Variants in SLFN5 observed in about 807,000 individuals in gnomAD.
The protein encoded by SLFN5 is schlafen family member 5.
In SLFN5, 34 loss-of-function variants were observed where a neutral mutation model predicts 48.5. The observed-to-expected ratio is 0.70, with a 90% CI of 0.53 to 0.93. The LOEUF (loss-of-function observed/expected upper bound fraction) is 0.93. Among genes scored for constraint, SLFN5 ranks in the 40% least tolerant of loss-of-function variants. The pLI is 0.00. For synonymous variants in SLFN5, 387 were observed against 396.2 expected, an observed-to-expected ratio of 0.98 and a Z score of 0.28; for missense variants, 1,006 against 1,071.3, an observed-to-expected ratio of 0.94 and a Z score of 0.85.
rs771619608 is a variant in SLFN5 at position 35,265,434 on chromosome 17, C to T, written c.2222C>T (p.Ser741Phe). The T allele has an allele frequency of 2.5e-6, 4 of 1,614,072 alleles. No individual in the cohort carries two copies. The South Asian group carries it at 3.3e-5, about 13-fold the overall frequency. Reference protein sequence around the residue: ...QNPPPNLPPGSLVMLYEPKWA... With the variant: ...QNPPPNLPPGFLVMLYEPKWA... ...CCTCCACCTAACCTCCCCCCTGGGTCCCTGGTGATGCTCTATGAACCTAAA... is the reference window on the plus strand; with the variant it reads ...CCTCCACCTAACCTCCCCCCTGGGTTCCTGGTGATGCTCTATGAACCTAAA... The change falls in exon 5 of 5, where the codon TCC (serine) becomes TTC (phenylalanine). Residue 741 changes from serine to phenylalanine, a missense_variant. Ser to Phe is a radical substitution (Grantham distance 155, BLOSUM62 -2). Transcript: ENST00000299977.
chr17:35,253,447 C>T lies in SLFN5; in HGVS notation c.-40-5204C>T, dbSNP rs566540925. Among the ~76,000 whole-genome samples the T allele has an allele frequency of 3.3e-5, 5 of 152,240 alleles. No individual in the cohort carries two copies. In the South Asian group the frequency reaches 1.0e-3, roughly 32 times the overall value. ...AGTGCAGTGGTATGATCTTGGCTCA[C>T]TGCAGCCTCAATCCACTGGGCTCAG... On this transcript the variant is annotated intron_variant, in intron 1 of 4. Coordinates refer to ENST00000299977, the MANE Select transcript of SLFN5 (RefSeq NM_144975.4).
Position 35,272,690 on chromosome 17 carries a change from T to C in SLFN5, c.*6802T>C, listed in dbSNP as rs1430109499. The stretch of plus-strand genomic sequence containing the variant: ...TTCTACAAATCGAAGAGAAAAATTC[T>C]AAGGTCTCAAAGGAAAAATGAGCAA... On this transcript the variant is annotated 3_prime_UTR_variant, in exon 5 of 5. Transcript: ENST00000299977. The C allele has an allele frequency of 6.6e-6, 1 of 152,208 alleles. No individual in the cohort carries two copies. Among genetic ancestry groups the C allele is most frequent in the African/African-American group, 2.4e-5 (1 of 41,454 alleles). 9.4% of individuals were successfully genotyped at this position (152,208 alleles called of 1,614,324 possible).
At position 35,264,715 on chromosome 17, in the gene SLFN5, A is replaced by G; in HGVS notation, c.1671A>G (p.Thr557=). Residue 557 remains threonine, a synonymous_variant, in exon 4 of 5, where the codon ACA becomes ACG. Transcript: ENST00000299977. ...GCTCTGAGGTTTTGAACCTACTGAC[A>G]AATAAACAGTATGAGTTGCTTTCAA... ...ELGSEVLNLL[T]NKQYELLSKN... The G allele has an allele frequency of 6.2e-7, 1 of 1,607,472 alleles. No individual in the cohort carries two copies. The highest frequency in any genetic ancestry group is 1.1e-5 in the South Asian group (1 of 90,138).
chr17:35,259,178 A>T lies in SLFN5; in HGVS notation c.488A>T (p.Gln163Leu). ...CCACAGGCAGCTCAGGGTAGTGTAC[A>T]ATATGAAGGTAACATAAATGTGTCA... ...LGPQAAQGSV[Q>L]YEGNINVSAA... The change falls in exon 2 of 5, where the codon CAA becomes CTA. Residue 163 changes from glutamine to leucine, a missense_variant. Coordinates refer to ENST00000299977, the MANE Select transcript of SLFN5 (RefSeq NM_144975.4). The T allele has an allele frequency of 6.2e-7, 1 of 1,614,130 alleles. No individual in the cohort carries two copies. Among genetic ancestry groups the T allele is most frequent in the Non-Finnish European group, 8.5e-7 (1 of 1,180,038 alleles).
chr17:35,247,566 A>T (rs2092433612), intron 1 of SLFN5, among the ~76,000 whole-genome samples: 1 of 152,098 alleles, frequency 6.6e-6, no homozygotes, highest in Non-Finnish European at 1.5e-5. Context: ...CACTGACTGA[A>T]TGTCTCTTTT....
At chr17:35,264,996 C>T (rs1485609512) in intron 4 of SLFN5, 76 bp from the exon 5 acceptor site, 2 of 1,544,640 alleles carry the variant, frequency 1.3e-6, no homozygotes, top group South Asian at 1.3e-5. Context: ...TTGTATTTAC[C>T]ATGACCAGAG....
chr17:35,251,898 G>GA (rs1333062718), intron 1 of SLFN5, among the ~76,000 whole-genome samples: 1 of 151,846 alleles, frequency 6.6e-6, no homozygotes, highest in Non-Finnish European at 1.5e-5. Context: ...AATTTTAGTA[G>GA]AAACAGGGTT....
chr17:35,265,218 C>T lies in SLFN5; in HGVS notation c.2006C>T (p.Thr669Ile). The part of the protein sequence containing the change: ...GDWYGKAKFI[T>I]QTARDGPGVL... ...TGGTATGGGAAAGCAAAGTTCATCA[C>T]TCAGACAGCAAGGGATGGCCCAGGA... The change falls in exon 5 of 5, where the codon ACT (threonine) becomes ATT (isoleucine). Residue 669 changes from threonine to isoleucine, a missense_variant. Transcript: ENST00000299977. 6.2e-7 allele frequency: 1 copy of T among 1,614,190 alleles called. No homozygotes were observed. The highest frequency in any genetic ancestry group is 2.2e-5 in the East Asian group (1 of 44,890).
rs1904630081 is a variant in SLFN5 at position 35,264,894 on chromosome 17, A to T, written c.1850A>T (p.Lys617Met). Residue 617 changes from lysine (K) to methionine (M), a missense_variant, in exon 4 of 5, where the codon AAG (lysine) becomes ATG (methionine). Transcript: ENST00000299977. ...LYICENQPLK[K>M]LVSFSKKNIC... ...ATCTGTGAAAACCAGCCCCTGAAGA[A>T]GTTGGTGAGGTATGCTGCTTGTCTG... is the stretch of plus-strand genomic sequence containing the variant. 1 of 1,558,970 alleles carries T rather than the reference A, an allele frequency of 6.4e-7. No homozygotes were observed. The highest frequency in any genetic ancestry group is 8.6e-7 in the Non-Finnish European group (1 of 1,159,636).
chr17:35,259,385 A>T lies in SLFN5; in HGVS notation c.695A>T (p.His232Leu). The change falls in exon 2 of 5, where the codon CAT becomes CTT. Residue 232 changes from histidine (H) to leucine (L), a missense_variant. His to Leu is a moderately conservative substitution (Grantham distance 99). Transcript: ENST00000299977. ...GGAGGATATGTATTTTTTGGTGTGC[A>T]TGATGAGACTTGTCAAGTGATTGGA... ...TEGGYVFFGVHDETCQVIGCE... is the reference protein window; with the variant it reads ...TEGGYVFFGVLDETCQVIGCE... 6.2e-7 allele frequency: 1 copy of T among 1,614,224 alleles called. No individual in the cohort carries two copies. Among genetic ancestry groups the T allele is most frequent in the Non-Finnish European group, 8.5e-7 (1 of 1,180,036 alleles).
At position 35,268,244 on chromosome 17, in the gene SLFN5, T is replaced by C. The variant is rs1318262340; in HGVS notation, c.*2356T>C. On this transcript the variant is annotated 3_prime_UTR_variant, in exon 5 of 5. Transcript: ENST00000299977. ...CTAAGAAAGTTGTCAAAGAGAGCCCTTCTATACTATCTTAAGGTAAAAAGA... is the reference window on the plus strand; with the variant it reads ...CTAAGAAAGTTGTCAAAGAGAGCCCCTCTATACTATCTTAAGGTAAAAAGA... 2 of 152,218 alleles carry C rather than the reference T, an allele frequency of 1.3e-5. No homozygotes were observed. Among genetic ancestry groups the C allele is most frequent in the Non-Finnish European group, 2.9e-5 (2 of 68,056 alleles). The allele number at this position is 152,218 out of a possible 1,614,324, so 9.4% of individuals were successfully genotyped here.
chr17:35,265,950 T>C lies in SLFN5; in HGVS notation c.*62T>C. The C allele has an allele frequency of 1.4e-6, 2 of 1,479,370 alleles. No individual in the cohort carries two copies. The highest frequency in any genetic ancestry group is 1.8e-6 in the Non-Finnish European group (2 of 1,103,256). 91.6% of individuals were successfully genotyped at this position (1,479,370 alleles called of 1,614,324 possible). ...TCATCTCTAATTAACTGTGAAACCA[T>C]TTAATCCAAACATGTAAGCACACAC... On this transcript the variant is annotated 3_prime_UTR_variant, in exon 5 of 5. Coordinates refer to ENST00000299977, the MANE Select transcript of SLFN5 (RefSeq NM_144975.4).
intron 3 of SLFN5, among the ~76,000 whole-genome samples, chr17:35,263,217 G>A (rs1050315918): frequency 3.9e-5 from 6 of 151,992 alleles, no homozygotes; most frequent in South Asian, 2.1e-4. Context: ...TGCAACCTCC[G>A]CCTCCTGGGT....
intron 1 of SLFN5, among the ~76,000 whole-genome samples, chr17:35,251,393 G>A (rs1240150140): frequency 4.6e-5 from 7 of 151,984 alleles, no homozygotes; most frequent in Non-Finnish European, 4.4e-5. Context: ...TACTAATTTG[G>A]GGTTTTTTTT....
chr17:35,261,026 C>A lies in SLFN5; in HGVS notation c.1068C>A (p.Pro356=). The change falls in exon 3 of 5, where the codon CCC becomes CCA. Residue 356 remains proline, a synonymous_variant. Transcript: ENST00000299977. ...VLQLSLSSAT[P]RSKPVCIHKN... The stretch of plus-strand genomic sequence containing the variant: ...AGTTGAGTTTGTCATCTGCCACGCC[C>A]CGCAGCAAGCCTGTGTGCATTCATA... 1 of 1,614,034 alleles carries A rather than the reference C, an allele frequency of 6.2e-7. No homozygotes were observed. The highest frequency in any genetic ancestry group is 8.5e-7 in the Non-Finnish European group (1 of 1,179,926).
At chr17:35,251,702 ACTTT>A (rs1421847559) in intron 1 of SLFN5, among the ~76,000 whole-genome samples, 2 of 83,164 alleles carry the variant, frequency 2.4e-5, no homozygotes, top group East Asian at 7.9e-4. Flanking sequence ...TGGCGCCCGG[ACTTT>A]TTTTTTTTTT....
intron 1 of SLFN5, among the ~76,000 whole-genome samples, chr17:35,253,666 T>G (rs2092447927): frequency 6.7e-6 from 1 of 149,400 alleles, no homozygotes; most frequent in African/African-American, 2.5e-5. Context: ...TGAGCCGCTG[T>G]GCCTGGCCTG....
chr17:35,260,887 A>C, intron 2 of SLFN5, 84 bp from the exon 3 acceptor site: 2 of 1,521,052 alleles, frequency 1.3e-6, no homozygotes, highest in Non-Finnish European at 1.8e-6. Flanking sequence ...TTGTAAGACT[A>C]GGTGAAAGAC....
intron 1 of SLFN5, among the ~76,000 whole-genome samples, chr17:35,249,219 T>C (rs893490870): frequency 6.6e-6 from 1 of 152,198 alleles, no homozygotes; most frequent in African/African-American, 2.4e-5. Context: ...AACCCCTTTA[T>C]CTGAATTGTA....
Sources: gnomAD v4.1 joint callset for allele counts (sites outside exome capture counted in the v4.1 genomes callset) on GRCh38, gnomAD v4.1.1 for gene constraint, MANE v1.5 for transcripts, NCBI Gene and HGNC (gene_info 2026-07-23, HGNC 2026-07-21) for gene names.